Variants in WWTR1 observed in about 807,000 individuals in gnomAD.
WWTR1 encodes WW domain containing transcription regulator 1, also known as WW domain-containing transcription regulator protein 1.
A neutral mutation model predicts 40.1 loss-of-function variants in WWTR1; 13 were observed. That is an observed-to-expected ratio of 0.32 (90% CI 0.21 to 0.52). The LOEUF (loss-of-function observed/expected upper bound fraction) is 0.52, where lower values mean the gene tolerates loss of function less well. WWTR1 is among the 20% of genes least tolerant of loss of function. WWTR1 has a pLI of 0.97. For missense variants in WWTR1, 436 were observed against 523.1 expected (o/e 0.83, Z 1.63); for synonymous variants, 230 against 210.1 (o/e 1.09, Z -0.82).
chr3:149,573,082 GAC>G, intron 2 of WWTR1, 82 bp from the exon 3 acceptor site: 1 of 1,382,786 alleles, frequency 7.2e-7, no homozygotes, highest in Non-Finnish European at 9.9e-7. Flanking sequence ...AATAGTTAAT[GAC>G]ACTAATTCTT....
At chr3:149,695,909 G>C (rs1714973227) in intron 1 of WWTR1, among the ~76,000 whole-genome samples, 1 of 150,714 alleles carries the variant, frequency 6.6e-6, no homozygotes. Flanking sequence ...TCAGGAGATT[G>C]AGACTATCCT....
chr3:149,574,265 C>T (rs1737779473), intron 2 of WWTR1, among the ~76,000 whole-genome samples: 1 of 152,032 alleles, frequency 6.6e-6, no homozygotes, highest in African/African-American at 2.4e-5. Context: ...GTCTCGAACT[C>T]CTGAGCTCAA....
chr3:149,578,135 G>A (rs529232246), intron 2 of WWTR1, among the ~76,000 whole-genome samples: 1 of 151,860 alleles, frequency 6.6e-6, no homozygotes, highest in African/African-American at 2.4e-5. Flanking sequence ...ACTCACATAG[G>A]CATCTCCCAG....
chr3:149,626,510 T>TAA (rs201199010), intron 2 of WWTR1, among the ~76,000 whole-genome samples: 10 of 140,896 alleles, frequency 7.1e-5, no homozygotes, highest in East Asian at 6.1e-4. Flanking sequence ...CTATAGTATG[T>TAA]AAAAAAAAAA....
intron 1 of WWTR1, chr3:149,671,050 A>G (rs2108191367): frequency 6.6e-6 from 1 of 152,320 alleles, no homozygotes; most frequent in South Asian, 2.1e-4. Context: ...TTGCACTTGT[A>G]TAATACCTTT....
At chr3:149,715,016 G>A (rs1158107409) in intron 5 of WWTR1, among the ~76,000 whole-genome samples, 1 of 152,140 alleles carries the variant, frequency 6.6e-6, no homozygotes, top group African/African-American at 2.4e-5. Context: ...AACTCGTCGG[G>A]ACACCCTGGC....
chr3:149,628,737 T>TTTTATTTTATTTTA lies in WWTR1; in HGVS notation c.431+28138_431+28139insTAAAATAAAATAAA, dbSNP rs1553801365. Among the ~76,000 whole-genome samples, 162 of 144,744 alleles carry TTTTATTTTATTTTA rather than the reference T, an allele frequency of 1.1e-3. 1 individual carries two copies. Among genetic ancestry groups the TTTTATTTTATTTTA allele is most frequent in the African/African-American group, 2.6e-3 (100 of 38,564 alleles). The allele number at this position is 144,744 out of a possible 152,430, so 95.0% of individuals were successfully genotyped here. A position where few individuals can be genotyped will look rare whatever the true frequency, so the allele number is the denominator to read the frequency against. ...GTCTCACAAATGATTCTTTTTATTT[T>TTTTATTTTATTTTA]TTTTATTTTATTTTATTTTATTTTA... is the stretch of plus-strand genomic sequence containing the variant. On this transcript the variant is annotated intron_variant, in intron 2 of 6. Coordinates refer to ENST00000360632, the MANE Select transcript of WWTR1 (RefSeq NM_015472.6).
At position 149,619,448 on chromosome 3, in the gene WWTR1, C is replaced by T. The variant is rs527327684; in HGVS notation, c.431+37428G>A. 5.9e-5 allele frequency among the ~76,000 whole-genome samples: 9 copies of T among 152,196 alleles called. No individual in the cohort carries two copies. In the South Asian group the frequency reaches 1.9e-3, roughly 32 times the overall value. ...CCAGCCTGGGCAACATAGTGAAATC[C>T]TATCTCTACCAAAAGAATTTAAAAA... is the stretch of plus-strand genomic sequence containing the variant. On this transcript the variant is annotated intron_variant, in intron 2 of 6. Coordinates refer to ENST00000360632, the MANE Select transcript of WWTR1 (RefSeq NM_015472.6).
intron 3 of WWTR1, among the ~76,000 whole-genome samples, chr3:149,567,380 C>A (rs1258945751): frequency 6.6e-6 from 1 of 152,200 alleles, no homozygotes; most frequent in Non-Finnish European, 1.5e-5. Context: ...GACTGCTCTT[C>A]ACAAACTCCC....
chr3:149,565,617 A>G (rs1737281343), intron 3 of WWTR1, among the ~76,000 whole-genome samples: 1 of 152,222 alleles, frequency 6.6e-6, no homozygotes, highest in Non-Finnish European at 1.5e-5. Flanking sequence ...GAAAGGAACT[A>G]TAAAGAATGT....
chr3:149,662,177 T>TAAAAA (rs113524876), upstream of WWTR1, among the ~76,000 whole-genome samples: 244 of 150,528 alleles, frequency 1.6e-3, 1 homozygote, highest in African/African-American at 5.9e-3. Flanking sequence ...GAAACCATGT[T>TAAAAA]AAAAAAAAAC....
At chr3:149,608,634 C>T (rs1739595329) in intron 2 of WWTR1, among the ~76,000 whole-genome samples, 1 of 152,158 alleles carries the variant, frequency 6.6e-6, no homozygotes, top group Non-Finnish European at 1.5e-5. Flanking sequence ...AGTGGTCCGC[C>T]TGCCTTGGCC....
At chr3:149,583,345 T>A (rs1738246219) in intron 2 of WWTR1, among the ~76,000 whole-genome samples, 1 of 152,196 alleles carries the variant, frequency 6.6e-6, no homozygotes, top group African/African-American at 2.4e-5. Flanking sequence ...GTATTTACAG[T>A]GGGGTACATC....
At chr3:149,605,818 T>C (rs1288369172) in intron 2 of WWTR1, among the ~76,000 whole-genome samples, 1 of 152,182 alleles carries the variant, frequency 6.6e-6, no homozygotes, top group Admixed American at 6.5e-5. Context: ...CTCCTGAATC[T>C]AATATCCTGT....
intron 1 of WWTR1, among the ~76,000 whole-genome samples, chr3:149,678,754 C>T (rs1303543937): frequency 6.6e-6 from 1 of 151,874 alleles, no homozygotes; most frequent in Non-Finnish European, 1.5e-5. Context: ...AAATCTTAAA[C>T]ATCAGGACCC....
chr3:149,553,775 G>A lies in WWTR1; in HGVS notation c.569-11238C>T, dbSNP rs976884852. Reference sequence around the variant, plus strand: ...ATCAAGAGTGTCTGGGTGCAGCTGCGGGTCTTTTCCTCTGTTTATGCGCCG... The same window carrying A: ...ATCAAGAGTGTCTGGGTGCAGCTGCAGGTCTTTTCCTCTGTTTATGCGCCG... On this transcript the variant is annotated intron_variant, in intron 3 of 6. Coordinates refer to ENST00000360632, the MANE Select transcript of WWTR1 (RefSeq NM_015472.6). Among the ~76,000 whole-genome samples the A allele has an allele frequency of 3.9e-5, 6 of 152,028 alleles. No individual in the cohort carries two copies. The South Asian group carries it at 1.0e-3, about 26-fold the overall frequency.
intron 2 of WWTR1, among the ~76,000 whole-genome samples, chr3:149,630,530 C>G (rs1468392467): frequency 1.3e-5 from 2 of 152,126 alleles, no homozygotes; most frequent in Non-Finnish European, 2.9e-5. Context: ...TCCTGCAGAC[C>G]AGCTCAGTCC....
At chr3:149,542,740 T>C (rs1736176055) in intron 3 of WWTR1, among the ~76,000 whole-genome samples, 1 of 152,224 alleles carries the variant, frequency 6.6e-6, no homozygotes, top group South Asian at 2.1e-4. Context: ...TCCTGACTCA[T>C]CTAGCCTCGG....
At chr3:149,698,491 T>C (rs1297574979) in intron 1 of WWTR1, among the ~76,000 whole-genome samples, 3 of 152,216 alleles carry the variant, frequency 2.0e-5, no homozygotes, top group Admixed American at 6.5e-5. Flanking sequence ...ATGTCTTTAT[T>C]AGCAGTGTGA....
Sources: gnomAD v4.1 joint callset for allele counts (sites outside exome capture counted in the v4.1 genomes callset) on GRCh38, gnomAD v4.1.1 for gene constraint, MANE v1.5 for transcripts, NCBI Gene and HGNC (gene_info 2026-07-23, HGNC 2026-07-21) for gene names.